The following DLC1 variants were observed in gnomAD, a reference collection of about 807,000 sequenced individuals.
The protein encoded by DLC1 is rho GTPase-activating protein 7.
Under a neutral mutation model 140.3 loss-of-function variants are expected in DLC1, and 54 were observed. The observed-to-expected ratio is 0.38, with a 90% CI of 0.31 to 0.48. DLC1 has a LOEUF of 0.48. Ranked by LOEUF, DLC1 falls within the 20% of genes least tolerant of loss-of-function variation. DLC1 has a pLI of 0.96. For missense variants in DLC1, 2,536 were observed against 1,907.0 expected (o/e 1.33, Z -6.14); for synonymous variants, 986 against 728.1 (o/e 1.35, Z -5.70).
At chr8:13,470,252 A>G (rs1800145928) in intron 2 of DLC1, among the ~76,000 whole-genome samples, 1 of 152,232 alleles carries the variant, frequency 6.6e-6, no homozygotes. Context: ...TTTTATTTTT[A>G]TCTTTTAAGC....
chr8:13,432,545 A>C (rs1475376815), intron 2 of DLC1, among the ~76,000 whole-genome samples: 1 of 152,162 alleles, frequency 6.6e-6, no homozygotes, highest in Non-Finnish European at 1.5e-5. Context: ...AATTCTTTGC[A>C]CTAAGAAAGG....
At chr8:13,308,954 C>A (rs2117538548) in intron 4 of DLC1, among the ~76,000 whole-genome samples, 2 of 152,266 alleles carry the variant, frequency 1.3e-5, no homozygotes, top group African/African-American at 4.8e-5. Context: ...ACATTTCACA[C>A]AAGCTGACTG....
chr8:13,176,125 A>T (rs1473570805), intron 5 of DLC1, among the ~76,000 whole-genome samples: 1 of 152,244 alleles, frequency 6.6e-6, no homozygotes, highest in Non-Finnish European at 1.5e-5. Context: ...TTTCAGAAAC[A>T]TAAAATATAT....
intron 5 of DLC1, among the ~76,000 whole-genome samples, chr8:13,290,368 T>A (rs755664724): frequency 1.4e-4 from 21 of 152,212 alleles, no homozygotes; most frequent in Admixed American, 2.6e-4. Flanking sequence ...TCAGCAGGCC[T>A]GGAGGCATCC....
chr8:13,231,122 G>T (rs1373427689), intron 5 of DLC1, among the ~76,000 whole-genome samples: 3 of 151,928 alleles, frequency 2.0e-5, no homozygotes, highest in Non-Finnish European at 4.4e-5. Flanking sequence ...TGTTGCAGGA[G>T]TTGCATACAT....
Position 13,098,379 on chromosome 8 carries a change from C to T in DLC1, c.3167+20G>A. On this transcript the variant is annotated intron_variant, in intron 10 of 17. Transcript: ENST00000276297. Reference sequence around the variant, plus strand: ...AAATATCATTTTCAACGACAGTTGACTGATCATTTAAACTCTTACCAGCTA... The same window carrying T: ...AAATATCATTTTCAACGACAGTTGATTGATCATTTAAACTCTTACCAGCTA... The T allele has an allele frequency of 6.2e-7, 1 of 1,612,816 alleles. No individual in the cohort carries two copies. Among genetic ancestry groups the T allele is most frequent in the African/African-American group, 1.3e-5 (1 of 75,030 alleles).
At chr8:13,300,638 G>A (rs1586094706) in intron 5 of DLC1, among the ~76,000 whole-genome samples, 2 of 152,134 alleles carry the variant, frequency 1.3e-5, no homozygotes, top group South Asian at 2.1e-4. Flanking sequence ...AGGGCAGAGG[G>A]TGGATCTGAG....
chr8:13,224,753 C>G (rs1414396334), intron 5 of DLC1, among the ~76,000 whole-genome samples: 1 of 152,190 alleles, frequency 6.6e-6, no homozygotes. Context: ...TAGATATGGA[C>G]AGTGTCTACA....
intron 1 of DLC1, among the ~76,000 whole-genome samples, chr8:13,571,743 C>T (rs545537741): frequency 8.5e-5 from 13 of 152,276 alleles, no homozygotes; most frequent in African/African-American, 3.1e-4. Context: ...ATTGCTGGAT[C>T]ACGTGGTAAT....
chr8:13,417,141 A>G lies in DLC1; in HGVS notation c.1024-15522T>C, dbSNP rs376447470. 1.1e-3 allele frequency among the ~76,000 whole-genome samples: 163 copies of G among 152,282 alleles called. 1 individual carries two copies. Among genetic ancestry groups the G allele is most frequent in the African/African-American group, 3.7e-3 (155 of 41,580 alleles). On this transcript the variant is annotated intron_variant, in intron 2 of 17. Transcript: ENST00000276297. Reference sequence around the variant, plus strand: ...AGCTGTACTAGACTAAAGCAACACGATGGGATTTTTAGGAAGAGAAAAATG... The same window carrying G: ...AGCTGTACTAGACTAAAGCAACACGGTGGGATTTTTAGGAAGAGAAAAATG...
At chr8:13,305,873 C>G (rs1320561187) in intron 4 of DLC1, among the ~76,000 whole-genome samples, 1 of 152,138 alleles carries the variant, frequency 6.6e-6, no homozygotes, top group Non-Finnish European at 1.5e-5. Context: ...ATAAATGAAT[C>G]TAAAAACACT....
chr8:13,449,346 A>G (rs1798939164), intron 2 of DLC1, among the ~76,000 whole-genome samples: 1 of 152,188 alleles, frequency 6.6e-6, no homozygotes, highest in African/African-American at 2.4e-5. Flanking sequence ...CATTTTGGAA[A>G]GTGTGGGGCA....
intron 5 of DLC1, among the ~76,000 whole-genome samples, chr8:13,231,917 C>CT (rs1219247006): frequency 1.3e-5 from 2 of 152,264 alleles, no homozygotes; most frequent in Admixed American, 1.3e-4. Flanking sequence ...CTGTGTCCAG[C>CT]TGTTGGGGTC....
intron 4 of DLC1, among the ~76,000 whole-genome samples, chr8:13,327,305 A>G (rs762063068): frequency 1.3e-5 from 2 of 152,054 alleles, no homozygotes; most frequent in Admixed American, 6.6e-5. Flanking sequence ...TGGAGTAGGC[A>G]TCAAAGAGTG....
At chr8:13,347,801 C>T (rs998271477) in intron 4 of DLC1, among the ~76,000 whole-genome samples, 1 of 152,076 alleles carries the variant, frequency 6.6e-6, no homozygotes, top group Non-Finnish European at 1.5e-5. Flanking sequence ...AGAGTAGAGG[C>T]CCTTAATCTT....
intron 5 of DLC1, among the ~76,000 whole-genome samples, chr8:13,220,392 G>A (rs906448370): frequency 6.6e-6 from 1 of 152,106 alleles, no homozygotes; most frequent in South Asian, 2.1e-4. Flanking sequence ...GTAACAAGTG[G>A]GGATCAGGTG....
intron 2 of DLC1, among the ~76,000 whole-genome samples, chr8:13,453,422 A>ATTTTTTTTTTTTTTTTTTT (rs1554523043): frequency 9.2e-5 from 3 of 32,570 alleles, no homozygotes; most frequent in South Asian, 1.1e-3. Context: ...ATATATATAT[A>ATTTTTTTTTTTTTTTTTTT]TGTGTATATA....
chr8:13,087,358 G>A (rs1293234299), intron 16 of DLC1, among the ~76,000 whole-genome samples: 2 of 152,216 alleles, frequency 1.3e-5, no homozygotes, highest in African/African-American at 4.8e-5. Context: ...CCATGAGTGT[G>A]CCACTGCACC....
At position 13,506,581 on chromosome 8, in the gene DLC1, G is replaced by GTGTGTATATATATATA. The variant is rs1246764417; in HGVS notation, c.-125-6386_-125-6385insTATATATATATACACA. Among the ~76,000 whole-genome samples, 17 of 131,140 alleles carry GTGTGTATATATATATA rather than the reference G, an allele frequency of 1.3e-4. No homozygotes were observed. In the South Asian group the frequency reaches 1.8e-3, roughly 14 times the overall value. 86.0% of individuals were successfully genotyped at this position (131,140 alleles called of 152,430 possible). A position where few individuals can be genotyped will look rare whatever the true frequency, so the allele number is the denominator to read the frequency against. On this transcript the variant is annotated intron_variant, in intron 1 of 17. Transcript: ENST00000276297. ...CACACACACACATGTGTGTGTGTGTGTATATATATATATATATATATATAT... is the reference window on the plus strand; with the variant it reads ...CACACACACACATGTGTGTGTGTGTGTGTGTATATATATATATATATATATATATATATATATATAT...
Sources: allele counts gnomAD v4.1 joint callset (sites outside exome capture counted in the v4.1 genomes callset), GRCh38; gene constraint gnomAD v4.1.1; transcripts MANE v1.5; gene names NCBI Gene and HGNC (gene_info 2026-07-23, HGNC 2026-07-21).